GABRB2: variants seen among roughly 807,000 people sequenced by gnomAD.
GABRB2 encodes the protein gamma-aminobutyric acid type A receptor subunit beta2.
A neutral mutation model predicts 54.7 loss-of-function variants in GABRB2; 16 were observed. The ratio of observed to expected loss-of-function variants is 0.29; its 90% confidence interval spans 0.20 to 0.44. GABRB2 has a LOEUF of 0.44. Ranked by LOEUF, GABRB2 falls within the 20% of genes least tolerant of loss-of-function variation. GABRB2 has a pLI of 1.00. For missense variants in GABRB2, 355 were observed against 644.0 expected, an observed-to-expected ratio of 0.55 and a Z score of 4.86; for synonymous variants, 244 against 233.8, an observed-to-expected ratio of 1.04 and a Z score of -0.40.
At chr5:161,508,965 C>T (rs1291367018) in intron 3 of GABRB2, among the ~76,000 whole-genome samples, 8 of 152,068 alleles carry the variant, frequency 5.3e-5, no homozygotes, top group Middle Eastern at 3.4e-3. Flanking sequence ...ACCCAATTTC[C>T]TCTAAGCTAT....
At chr5:161,374,951 T>C (rs1207186414) in intron 5 of GABRB2, among the ~76,000 whole-genome samples, 1 of 152,188 alleles carries the variant, frequency 6.6e-6, no homozygotes. Flanking sequence ...ATTTGCTGAA[T>C]AGATAAATAA....
rs1414682600 is a variant in GABRB2, at chr5:161,459,615, A to G, written c.458+9T>C. 4 of 1,608,950 alleles carry G rather than the reference A, an allele frequency of 2.5e-6. No homozygotes were observed. The African/African-American group carries it at 4.0e-5, about 16-fold the overall frequency. On this transcript the variant is annotated intron_variant, in intron 4 of 9. Transcript: ENST00000393959. ...GGAAAAGTTATATTTTGAATTGGGG[A>G]CAACAGACCTGAGTCCATAAAGGAC...
Position 161,420,210 on chromosome 5 carries a change from CT to C in GABRB2, c.459-9154del, listed in dbSNP as rs562583776. Among the ~76,000 whole-genome samples the C allele has an allele frequency of 3.2e-3, 487 of 152,094 alleles. 2 individuals carry two copies. The highest frequency in any genetic ancestry group is 5.3e-3 in the Non-Finnish European group (363 of 68,000). On this transcript the variant is annotated intron_variant, in intron 4 of 9. Transcript: ENST00000393959. ...ACAAGTTTATCAGTTTTATCCCAGTCTTTTAATTTTTTTAACAAATGCAAAA... is the reference window on the plus strand; with the variant it reads ...ACAAGTTTATCAGTTTTATCCCAGTCTTTAATTTTTTTAACAAATGCAAAA...
At chr5:161,409,212 T>A (rs1756434391) in intron 5 of GABRB2, among the ~76,000 whole-genome samples, 1 of 152,092 alleles carries the variant, frequency 6.6e-6, no homozygotes, top group African/African-American at 2.4e-5. Context: ...ACAGAGCCAC[T>A]GTACCACTAA....
At chr5:161,498,243 C>CA (rs1759317568) in intron 3 of GABRB2, among the ~76,000 whole-genome samples, 1 of 151,968 alleles carries the variant, frequency 6.6e-6, no homozygotes, top group Admixed American at 6.6e-5. Context: ...ATTCAAATAA[C>CA]AAAAAGTGTA....
At chr5:161,404,320 G>A (rs948156613) in intron 5 of GABRB2, among the ~76,000 whole-genome samples, 1 of 151,988 alleles carries the variant, frequency 6.6e-6, no homozygotes, top group Non-Finnish European at 1.5e-5. Flanking sequence ...TGTATGCAGT[G>A]ACACCATGGA....
At chr5:161,456,357 T>C (rs1040635152) in intron 4 of GABRB2, among the ~76,000 whole-genome samples, 4 of 152,230 alleles carry the variant, frequency 2.6e-5, no homozygotes, top group African/African-American at 9.6e-5. Context: ...GCACCTTTCA[T>C]AGAAGACTCA....
chr5:161,510,025 C>T lies in GABRB2; in HGVS notation c.237+35202G>A, dbSNP rs186380662. 2.6e-3 allele frequency among the ~76,000 whole-genome samples: 392 copies of T among 151,748 alleles called. 2 individuals carry two copies. Among genetic ancestry groups the T allele is most frequent in the African/African-American group, 9.0e-3 (372 of 41,444 alleles). On this transcript the variant is annotated intron_variant, in intron 3 of 9. Transcript: ENST00000393959. The stretch of plus-strand genomic sequence containing the variant: ...TATACATAGTAGGTGTGTACATTTA[C>T]GGGGTACATGAGATGTTTTGATACA...
intron 5 of GABRB2, among the ~76,000 whole-genome samples, chr5:161,382,240 G>A (rs1227564771): frequency 6.6e-6 from 1 of 152,170 alleles, no homozygotes; most frequent in Non-Finnish European, 1.5e-5. Flanking sequence ...CCCAGGAAGT[G>A]CGCTATCCTC....
rs529178804 is a variant in GABRB2, at chr5:161,544,921, G to T, written c.237+306C>A. Among the ~76,000 whole-genome samples, 33 of 152,154 alleles carry T rather than the reference G, an allele frequency of 2.2e-4. No homozygotes were observed. The South Asian group carries it at 6.6e-3, about 31-fold the overall frequency. Reference sequence around the variant, plus strand: ...TCCAGAAAATCACTTAATGAACTGGGTTTCTCATTGAGCCTGAGGAGATGA... The same window carrying T: ...TCCAGAAAATCACTTAATGAACTGGTTTTCTCATTGAGCCTGAGGAGATGA... On this transcript the variant is annotated intron_variant, in intron 3 of 9. Transcript: ENST00000393959.
intron 3 of GABRB2, among the ~76,000 whole-genome samples, chr5:161,518,681 A>G (rs779729748): frequency 3.3e-5 from 5 of 152,202 alleles, no homozygotes; most frequent in Non-Finnish European, 7.4e-5. Flanking sequence ...GAGTTACTCT[A>G]AAAATACTCA....
At chr5:161,374,868 A>T (rs963776863) in intron 5 of GABRB2, among the ~76,000 whole-genome samples, 1 of 152,056 alleles carries the variant, frequency 6.6e-6, no homozygotes, top group Non-Finnish European at 1.5e-5. Context: ...AAGCCCAATA[A>T]TTTTTTTAAT....
chr5:161,451,812 T>A (rs112674953), intron 4 of GABRB2, among the ~76,000 whole-genome samples: 13 of 152,240 alleles, frequency 8.5e-5, no homozygotes, highest in African/African-American at 2.9e-4. Context: ...ATAAACTACA[T>A]ATATACATTT....
intron 9 of GABRB2, among the ~76,000 whole-genome samples, chr5:161,302,501 TA>T (rs1757567595): frequency 1.3e-5 from 2 of 152,122 alleles, no homozygotes; most frequent in South Asian, 4.1e-4. Flanking sequence ...CTCAATAACC[TA>T]ACAACATCAC....
At chr5:161,524,452 T>G (rs1386245033) in intron 3 of GABRB2, among the ~76,000 whole-genome samples, 1 of 151,694 alleles carries the variant, frequency 6.6e-6, no homozygotes, top group South Asian at 2.1e-4. Context: ...GAGTAAAAAT[T>G]AAACCAAAGA....
At chr5:161,498,727 C>A (rs781755478) in intron 3 of GABRB2, among the ~76,000 whole-genome samples, 1 of 152,014 alleles carries the variant, frequency 6.6e-6, no homozygotes, top group Non-Finnish European at 1.5e-5. Flanking sequence ...GAAGTCTGCC[C>A]TGACACACCA....
chr5:161,302,985 T>G (rs1332671999), intron 9 of GABRB2, among the ~76,000 whole-genome samples: 2 of 152,230 alleles, frequency 1.3e-5, no homozygotes, highest in African/African-American at 2.4e-5. Context: ...ACCCAGGTAG[T>G]TTTATGAAAG....
At chr5:161,412,641 C>T in intron 4 of GABRB2, among the ~76,000 whole-genome samples, 1 of 152,152 alleles carries the variant, frequency 6.6e-6, no homozygotes, top group Non-Finnish European at 1.5e-5. Context: ...GTACTCTAGT[C>T]CTTTCCTTCC....
At chr5:161,303,595 A>G (rs537667407) in intron 9 of GABRB2, among the ~76,000 whole-genome samples, 1 of 152,180 alleles carries the variant, frequency 6.6e-6, no homozygotes, top group Non-Finnish European at 1.5e-5. Flanking sequence ...GAGTACAAAG[A>G]GAAGAGTAAG....
Sources: allele counts gnomAD v4.1 joint callset (sites outside exome capture counted in the v4.1 genomes callset), GRCh38; gene constraint gnomAD v4.1.1; transcripts MANE v1.5; gene names NCBI Gene and HGNC (gene_info 2026-07-23, HGNC 2026-07-21).